Variants in C7 observed in about 807,000 individuals in gnomAD.
C7 encodes the protein complement C7, also known as complement component C7.
C7 carries 83 observed loss-of-function variants against 104.8 expected under a neutral mutation model. That is an observed-to-expected ratio of 0.79 (90% CI 0.66 to 0.95). C7 has a LOEUF of 0.95. Ranked by LOEUF, C7 falls within the 40% of genes least tolerant of loss-of-function variation. C7 has a pLI of 0.00. For synonymous variants in C7, 415 were observed against 360.6 expected, an observed-to-expected ratio of 1.15 and a Z score of -1.71; for missense variants, 1,070 against 1,011.2, an observed-to-expected ratio of 1.06 and a Z score of -0.79.
In C7 at chr5:40,982,584, G is replaced by A. The variant is rs1740974189; in HGVS notation, c.*1011G>A. Reference sequence around the variant, plus strand: ...GGGTTTTAGTATGTGTCAAACATAGGACTGGAAGTTTGCCCCTGTTCTTTT... The same window carrying A: ...GGGTTTTAGTATGTGTCAAACATAGAACTGGAAGTTTGCCCCTGTTCTTTT... On this transcript the variant is annotated 3_prime_UTR_variant, in exon 18 of 18. Coordinates refer to ENST00000313164, the MANE Select transcript of C7 (RefSeq NM_000587.4). 1 of 152,326 alleles carries A rather than the reference G, an allele frequency of 6.6e-6. No homozygotes were observed. Among genetic ancestry groups the A allele is most frequent in the African/African-American group, 2.4e-5 (1 of 41,442 alleles). The allele number at this position is 152,326 out of a possible 1,614,324, so 9.4% of individuals were successfully genotyped here.
At chr5:40,944,230 C>T (rs1740000629) in intron 6 of C7, among the ~76,000 whole-genome samples, 1 of 152,190 alleles carries the variant, frequency 6.6e-6, no homozygotes, top group Non-Finnish European at 1.5e-5. Context: ...TTATATAGAA[C>T]AAACACAGTG....
At chr5:40,925,374 A>T (rs554691320) in intron 1 of C7, among the ~76,000 whole-genome samples, 1 of 152,282 alleles carries the variant, frequency 6.6e-6, no homozygotes, top group East Asian at 1.9e-4. Flanking sequence ...TAAGTTTCTC[A>T]TTTCCATCTG....
chr5:40,949,694 C>T (rs182281612), intron 8 of C7, among the ~76,000 whole-genome samples: 75 of 152,230 alleles, frequency 4.9e-4, no homozygotes, highest in African/African-American at 1.7e-3. Context: ...TCTCTTCTGC[C>T]TCCCCTCTGA....
chr5:40,970,038 G>A (rs1740659862), intron 14 of C7, among the ~76,000 whole-genome samples: 1 of 151,914 alleles, frequency 6.6e-6, no homozygotes, highest in African/African-American at 2.4e-5. Context: ...GTTTTGGAAG[G>A]CATAAGATGT....
In C7 at chr5:40,945,302, T is replaced by C; in HGVS notation, c.672T>C (p.Phe224=). 6 of 1,609,676 alleles carry C rather than the reference T, an allele frequency of 3.7e-6. No individual in the cohort carries two copies. Among genetic ancestry groups the C allele is most frequent in the Non-Finnish European group, 5.1e-6 (6 of 1,178,068 alleles). Residue 224 remains phenylalanine, a synonymous_variant, in exon 7 of 18, where the codon TTT becomes TTC. Transcript: ENST00000313164. The part of the protein sequence containing the change: ...EHTSSSRKRS[F]FRSSSSSSRS... The stretch of plus-strand genomic sequence containing the variant: ...CATCATCTAGTCGGAAGCGCTCCTT[T>C]TTTAGATCTTCATCATCTTCTTCAC...
intron 10 of C7, 77 bp from the exon 11 acceptor site, chr5:40,957,956 G>A (rs759298914): frequency 1.1e-6 from 1 of 940,758 alleles, no homozygotes; most frequent in Admixed American, 2.8e-5. Context: ...TTTAATGAGA[G>A]TCGTGCCTAA....
At chr5:40,928,092 A>T (rs1739597641) in intron 1 of C7, among the ~76,000 whole-genome samples, 1 of 152,188 alleles carries the variant, frequency 6.6e-6, no homozygotes, top group African/African-American at 2.4e-5. Flanking sequence ...AAAGGAGGAA[A>T]TTCTGTCATT....
intron 1 of C7, among the ~76,000 whole-genome samples, chr5:40,918,908 C>T (rs1739381037): frequency 6.7e-6 from 1 of 149,552 alleles, no homozygotes; most frequent in Non-Finnish European, 1.5e-5. Flanking sequence ...AGTAAGAAAA[C>T]ATTGGATTTG....
intron 2 of C7, among the ~76,000 whole-genome samples, chr5:40,929,720 T>A (rs1034906827): frequency 8.5e-5 from 13 of 152,202 alleles, no homozygotes; most frequent in African/African-American, 3.1e-4. Flanking sequence ...ATGGCCAGAA[T>A]GTGAGCATTT....
At chr5:40,979,685 C>G (rs1376605454) in intron 16 of C7, 40 bp from the exon 17 acceptor site, 1 of 1,552,364 alleles carries the variant, frequency 6.4e-7, no homozygotes, top group Middle Eastern at 2.1e-4. Flanking sequence ...CTTTTACGAA[C>G]AAAAATCTTG....
At chr5:40,930,740 A>G (rs1019381074) in intron 2 of C7, among the ~76,000 whole-genome samples, 3 of 150,934 alleles carry the variant, frequency 2.0e-5, no homozygotes, top group Admixed American at 1.3e-4. Flanking sequence ...TTTTTTTTGT[A>G]TTTTTAGTAG....
At chr5:40,952,679 G>A (rs1740200132) in intron 9 of C7, among the ~76,000 whole-genome samples, 1 of 151,014 alleles carries the variant, frequency 6.6e-6, no homozygotes, top group Non-Finnish European at 1.5e-5. Context: ...GGTGTGTGAT[G>A]TTCCCCTTCC....
intron 15 of C7, 49 bp from the exon 16 acceptor site, chr5:40,976,701 A>G (rs754521196): frequency 3.8e-5 from 51 of 1,349,412 alleles, no homozygotes; most frequent in Non-Finnish European, 4.7e-5. Context: ...CTTGTTTACT[A>G]TGAAGAGGCT....
chr5:40,938,708 T>C (rs1007072653), intron 6 of C7, among the ~76,000 whole-genome samples: 3 of 152,192 alleles, frequency 2.0e-5, no homozygotes, highest in Non-Finnish European at 2.9e-5. Flanking sequence ...TGATCTCAGA[T>C]CTCCTCTGTC....
chr5:40,947,642 C>T lies in C7; in HGVS notation c.779C>T (p.Ala260Val). Residue 260 changes from alanine to valine, a missense_variant, in exon 8 of 18, where the codon GCT becomes GTT. Physicochemically the swap from Ala to Val is moderately conservative, Grantham distance 64 (BLOSUM62 0). Coordinates refer to ENST00000313164, the MANE Select transcript of C7 (RefSeq NM_000587.4). ...GTTGTTGAGAACACTGTTGAAGTGG[C>T]TCAGTTCATTAATAACAATCCAGAA... ...LLVVENTVEV[A>V]QFINNNPEFL... 1 of 1,613,386 alleles carries T rather than the reference C, an allele frequency of 6.2e-7. No individual in the cohort carries two copies. Among genetic ancestry groups the T allele is most frequent in the Non-Finnish European group, 8.5e-7 (1 of 1,179,626 alleles).
Position 40,915,673 on chromosome 5 carries a change from G to A in C7, c.6+6057G>A, listed in dbSNP as rs6866380. Reference sequence around the variant, plus strand: ...TGTTGAAGTCAGAAAAGTATTCATAGTCTCCCCCAAATAACCTCCCCCAAC... The same window carrying A: ...TGTTGAAGTCAGAAAAGTATTCATAATCTCCCCCAAATAACCTCCCCCAAC... On this transcript the variant is annotated intron_variant, in intron 1 of 17. Coordinates refer to ENST00000313164, the MANE Select transcript of C7 (RefSeq NM_000587.4). 7.5e-3 allele frequency among the ~76,000 whole-genome samples: 1,135 copies of A among 152,252 alleles called. 18 individuals carry two copies. Among genetic ancestry groups the A allele is most frequent in the African/African-American group, 0.026 (1,090 of 41,556 alleles).
intron 2 of C7, 138 bp from the exon 3 acceptor site, chr5:40,930,926 T>C (rs1739668279): frequency 1.5e-6 from 1 of 675,908 alleles, no homozygotes; most frequent in African/African-American, 1.8e-5. Context: ...TTTTATATAT[T>C]TTAGGATCCT....
At chr5:40,940,909 C>T (rs142843928) in intron 6 of C7, among the ~76,000 whole-genome samples, 2 of 152,122 alleles carry the variant, frequency 1.3e-5, no homozygotes, top group African/African-American at 2.4e-5. Flanking sequence ...TCAGAGCAGA[C>T]ACTATACTTA....
At position 40,976,849 on chromosome 5, in the gene C7, C is replaced by T. The variant is rs757884402; in HGVS notation, c.2165+9C>T. The stretch of plus-strand genomic sequence containing the variant: ...ATGCCCTACGAATGTGGGTAAGTGC[C>T]GCCTTTGCTCATTTCTCTGTTTTAT... On this transcript the variant is annotated intron_variant, in intron 16 of 17. Coordinates refer to ENST00000313164, the MANE Select transcript of C7 (RefSeq NM_000587.4). 57 of 1,576,958 alleles carry T rather than the reference C, an allele frequency of 3.6e-5. No individual in the cohort carries two copies. Among genetic ancestry groups the T allele is most frequent in the East Asian group, 4.5e-5 (2 of 44,084 alleles).
Sources: gnomAD v4.1 joint callset for allele counts (sites outside exome capture counted in the v4.1 genomes callset) on GRCh38, gnomAD v4.1.1 for gene constraint, MANE v1.5 for transcripts, NCBI Gene and HGNC (gene_info 2026-07-23, HGNC 2026-07-21) for gene names.